PLEKHA5: variants seen among roughly 807,000 people sequenced by gnomAD.
PLEKHA5 encodes the protein pleckstrin homology domain-containing family A member 5.
Under a neutral mutation model 181.9 loss-of-function variants are expected in PLEKHA5, and 55 were observed. That is an observed-to-expected ratio of 0.30 (90% confidence interval 0.24 to 0.38). The LOEUF (loss-of-function observed/expected upper bound fraction) is 0.38. Among genes scored for constraint, PLEKHA5 ranks in the 10% least tolerant of loss-of-function variants. PLEKHA5 has a pLI of 1.00. For missense variants in PLEKHA5, 1,432 were observed against 1,549.5 expected, an observed-to-expected ratio of 0.92 and a Z score of 1.27; for synonymous variants, 535 against 529.4, an observed-to-expected ratio of 1.01 and a Z score of -0.15.
At chr12:19,332,994 T>C (rs368878706) in intron 20 of PLEKHA5, among the ~76,000 whole-genome samples, 12 of 152,332 alleles carry the variant, frequency 7.9e-5, no homozygotes, top group East Asian at 3.9e-4. Context: ...ACTCTTTGCC[T>C]GGCTTCCTTT....
At chr12:19,223,788 A>C (rs1032197050) in intron 3 of PLEKHA5, among the ~76,000 whole-genome samples, 1 of 152,164 alleles carries the variant, frequency 6.6e-6, no homozygotes, top group Non-Finnish European at 1.5e-5. Context: ...TAATGGGGTC[A>C]AGCAGCAGAA....
chr12:19,187,411 A>G (rs2050109162), intron 3 of PLEKHA5, among the ~76,000 whole-genome samples: 1 of 152,168 alleles, frequency 6.6e-6, no homozygotes, highest in Admixed American at 6.5e-5. Context: ...TTAGGAGATT[A>G]TAGTTAAGAT....
intron 28 of PLEKHA5, among the ~76,000 whole-genome samples, chr12:19,360,819 G>C (rs59195426): frequency 0.01 from 1,590 of 151,692 alleles, 28 homozygotes; most frequent in African/African-American, 0.037. Flanking sequence ...ACAGTGGCGT[G>C]ATCTTGGCTC....
At chr12:19,182,801 T>C (rs1337599691) in intron 3 of PLEKHA5, among the ~76,000 whole-genome samples, 1 of 152,222 alleles carries the variant, frequency 6.6e-6, no homozygotes, top group East Asian at 1.9e-4. Context: ...CTTTCTTATT[T>C]GCTGTCAAAT....
intron 16 of PLEKHA5, among the ~76,000 whole-genome samples, chr12:19,317,101 T>G (rs2153016339): frequency 6.6e-6 from 1 of 152,294 alleles, no homozygotes; most frequent in Middle Eastern, 3.4e-3. Context: ...TCGAGGTGGC[T>G]TATGCCTGTA....
chr12:19,152,467 G>C (rs534462807), intron 3 of PLEKHA5: 1 of 152,304 alleles, frequency 6.6e-6, no homozygotes, highest in African/African-American at 2.4e-5. Context: ...TCTTTCGTCA[G>C]ATTTGTTTCT....
At chr12:19,258,104 G>A (rs2067341580) in intron 6 of PLEKHA5, among the ~76,000 whole-genome samples, 1 of 151,546 alleles carries the variant, frequency 6.6e-6, no homozygotes, top group Non-Finnish European at 1.5e-5. Context: ...TTACTCTCAG[G>A]CGTCCTGATT....
chr12:19,248,904 C>G (rs1049758246), intron 3 of PLEKHA5, among the ~76,000 whole-genome samples: 9 of 152,262 alleles, frequency 5.9e-5, no homozygotes, highest in Middle Eastern at 6.8e-3. Context: ...GAATGTCCTG[C>G]AGTTCATAAT....
intron 31 of PLEKHA5, among the ~76,000 whole-genome samples, chr12:19,373,855 A>G (rs2095647678): frequency 6.6e-6 from 1 of 152,202 alleles, no homozygotes; most frequent in Non-Finnish European, 1.5e-5. Flanking sequence ...GACTGTACAC[A>G]TATCCTTCCA....
intron 3 of PLEKHA5, among the ~76,000 whole-genome samples, chr12:19,228,693 C>A (rs187792065): frequency 6.6e-6 from 1 of 152,300 alleles, no homozygotes; most frequent in African/African-American, 2.4e-5. Flanking sequence ...AGTAGCATAT[C>A]TAATATTCTC....
intron 3 of PLEKHA5, among the ~76,000 whole-genome samples, chr12:19,215,966 C>T (rs139298248): frequency 8.6e-4 from 130 of 152,026 alleles, no homozygotes; most frequent in African/African-American, 3.1e-3. Context: ...TAAGTGTAAG[C>T]AATAAAATAT....
Position 19,130,144 on chromosome 12 carries a change from C to G in PLEKHA5, c.169+14C>G. 2.0e-6 allele frequency: 3 copies of G among 1,536,678 alleles called. No homozygotes were observed. Among genetic ancestry groups the G allele is most frequent in the Non-Finnish European group, 2.6e-6 (3 of 1,138,552 alleles). On this transcript the variant is annotated intron_variant, in intron 2 of 31. Coordinates refer to ENST00000429027, the MANE Select transcript of PLEKHA5 (RefSeq NM_001256470.2). This position sits in a 1 kb window ranked among gnomAD's most constrained non-coding sequence, Gnocchi z 4.5. The stretch of plus-strand genomic sequence containing the variant: ...GGCAGAGCACAGGTAACGCCGGGCC[C>G]AAACGGAGTTGGGCTCCGCCTGGAG...
chr12:19,256,609 G>A (rs942665018), intron 5 of PLEKHA5, among the ~76,000 whole-genome samples: 3 of 151,998 alleles, frequency 2.0e-5, no homozygotes, highest in Non-Finnish European at 2.9e-5. Context: ...GAAAAATTTT[G>A]TTGATATTGG....
intron 3 of PLEKHA5, among the ~76,000 whole-genome samples, chr12:19,162,194 A>G (rs1163437135): frequency 1.3e-5 from 2 of 152,136 alleles, no homozygotes; most frequent in Non-Finnish European, 2.9e-5. Context: ...ATGGAATACT[A>G]GGTTTATGTA....
At chr12:19,310,279 C>T (rs1020239666) in intron 15 of PLEKHA5, among the ~76,000 whole-genome samples, 1 of 152,016 alleles carries the variant, frequency 6.6e-6, no homozygotes, top group African/African-American at 2.4e-5. Flanking sequence ...ATATTCAAAC[C>T]AGAAGTGAAT....
chr12:19,296,956 T>G (rs777118591), intron 15 of PLEKHA5, among the ~76,000 whole-genome samples: 1 of 152,192 alleles, frequency 6.6e-6, no homozygotes, highest in African/African-American at 2.4e-5. Context: ...TCTCTGCTAG[T>G]GTTTGAAGAG....
In PLEKHA5 at chr12:19,153,005, T is replaced by G. The variant is rs1290673245; in HGVS notation, c.227+20555T>G. ...TAAATTAACACAGGTTTTTTGTTTT[T>G]TTTTTTGTTGTTTTTAATTCCTTTC... On this transcript the variant is annotated intron_variant, in intron 3 of 31. Coordinates refer to ENST00000429027, the MANE Select transcript of PLEKHA5 (RefSeq NM_001256470.2). 6.4e-5 allele frequency: 2 copies of G among 31,356 alleles called. 1 individual carries two copies. The highest frequency in any genetic ancestry group is 4.5e-4 in the Non-Finnish European group (2 of 4,464). The allele number at this position is 31,356 out of a possible 1,614,324, so 1.9% of individuals were successfully genotyped here.
intron 15 of PLEKHA5, among the ~76,000 whole-genome samples, chr12:19,298,979 C>G (rs890757949): frequency 6.6e-6 from 1 of 152,204 alleles, no homozygotes; most frequent in Non-Finnish European, 1.5e-5. Context: ...CAGCCTGACA[C>G]CAGTCTCTCA....
rs372627754 is a variant in PLEKHA5, at chr12:19,369,730, G to A, written c.3792G>A (p.Ser1264=). The change falls in exon 31 of 32, where the codon TCG becomes TCA. Residue 1264 remains serine, a synonymous_variant. Transcript: ENST00000429027. ...SLSPSPESSA[S]PVPSTQPQLT... ...CCCCATCTCCTGAGTCCTCGGCATC[G>A]CCAGTTCCATCCACTCAGCCGCAGC... The A allele has an allele frequency of 5.7e-5, 92 of 1,611,958 alleles. No individual in the cohort carries two copies. Among genetic ancestry groups the A allele is most frequent in the Non-Finnish European group, 6.2e-5 (73 of 1,178,988 alleles).
Sources: allele counts gnomAD v4.1 joint callset (sites outside exome capture counted in the v4.1 genomes callset), GRCh38; gene constraint gnomAD v4.1.1; non-coding constraint Gnocchi (gnomAD v3.1); transcripts MANE v1.5; gene names NCBI Gene and HGNC (gene_info 2026-07-23, HGNC 2026-07-21).